Variants in MRTFB observed in about 807,000 individuals in gnomAD.
MRTFB encodes myocardin related transcription factor B.
MRTFB carries 29 observed loss-of-function variants against 104.2 expected under a neutral mutation model. The observed-to-expected ratio is 0.28, with a 90% CI of 0.21 to 0.38. The LOEUF (loss-of-function observed/expected upper bound fraction) is 0.38, where lower values mean the gene tolerates loss of function less well. Among genes scored for constraint, MRTFB ranks in the 10% least tolerant of loss-of-function variants. MRTFB has a pLI of 1.00. For synonymous variants in MRTFB, 535 were observed against 519.5 expected (o/e 1.03, Z -0.41); for missense variants, 1,270 against 1,341.6 (o/e 0.95, Z 0.83).
intron 3 of MRTFB, among the ~76,000 whole-genome samples, chr16:14,172,916 G>GT (rs1201975530): frequency 6.6e-6 from 1 of 152,064 alleles, no homozygotes; most frequent in Non-Finnish European, 1.5e-5. Context: ...TCTTCAGTAT[G>GT]TTTTTGGGTT....
At chr16:14,013,091 A>G in the MRTFB span, 1 of 152,190 alleles carries the variant, frequency 6.6e-6, no homozygotes, top group Non-Finnish European at 1.5e-5. Context: ...GGAGGCCAGT[A>G]TTGAACTTGA....
At chr16:14,249,167 C>G in intron 13 of MRTFB, 86 bp downstream of exon 13, 3 of 1,452,232 alleles carry the variant, frequency 2.1e-6, no homozygotes, top group Middle Eastern at 1.9e-4. Context: ...TGTAAACGCC[C>G]TGGGAAGTTC....
intron 2 of MRTFB, among the ~76,000 whole-genome samples, chr16:14,122,643 CGT>C (rs1567349042): frequency 6.6e-6 from 1 of 152,134 alleles, no homozygotes; most frequent in African/African-American, 2.4e-5. Flanking sequence ...CATAGTATTC[CGT>C]GGTGTATATA....
intron 3 of MRTFB, among the ~76,000 whole-genome samples, chr16:14,161,172 T>C (rs2039023492): frequency 7.6e-6 from 1 of 131,680 alleles, no homozygotes; most frequent in African/African-American, 3.0e-5. Flanking sequence ...TTTTAAAAAA[T>C]CATGAGTTGA....
chr16:14,089,208 A>C (rs1567308936), intron 2 of MRTFB, among the ~76,000 whole-genome samples: 1 of 151,046 alleles, frequency 6.6e-6, no homozygotes, highest in South Asian at 2.1e-4. Context: ...GAACTCAATG[A>C]TTTTTAGTAT....
chr16:14,252,221 G>C (rs2043285135), intron 14 of MRTFB, 144 bp from the exon 15 acceptor site: 2 of 1,344,072 alleles, frequency 1.5e-6, no homozygotes, highest in Non-Finnish European at 2.0e-6. Context: ...CACCAGTGCT[G>C]TCAGCCTCAC....
intron 3 of MRTFB, among the ~76,000 whole-genome samples, chr16:14,191,664 CAG>C (rs1444136639): frequency 1.9e-4 from 29 of 152,082 alleles, no homozygotes; most frequent in Admixed American, 1.5e-3. Flanking sequence ...CCTTCTTAAA[CAG>C]AATATAATAA....
At position 14,261,252 on chromosome 16, in the gene MRTFB, C is replaced by G. The variant is rs764240669; in HGVS notation, c.3108C>G (p.Ser1036=). 9.3e-6 allele frequency: 15 copies of G among 1,614,152 alleles called. 1 individual carries two copies. Among genetic ancestry groups the G allele is most frequent in the Non-Finnish European group, 1.7e-6 (2 of 1,180,028 alleles). The change falls in exon 17 of 17, where the codon TCC becomes TCG. Residue 1036 remains serine (S), a synonymous_variant. Coordinates refer to ENST00000571589, the MANE Select transcript of MRTFB (RefSeq NM_001308142.2). ...ATTCACACTCACCCATGGAGACTTC[C>G]GAGACCCAGTTTGCTGCAGGTACTC... ...LDHSHSPMET[S]ETQFAAGTPC... is the part of the protein sequence containing the mutation.
chr16:14,246,318 TTC>T (rs2043015745), intron 11 of MRTFB, among the ~76,000 whole-genome samples, 153 bp from the exon 12 acceptor site: 1 of 152,208 alleles, frequency 6.6e-6, no homozygotes, highest in African/African-American at 2.4e-5. Context: ...AGTTATCTGT[TTC>T]TGTGTGCTTA....
At chr16:14,071,538 C>CGCGGG (rs1426927873) in intron 1 of MRTFB, among the ~76,000 whole-genome samples, 173 bp downstream of exon 1, 1 of 148,566 alleles carries the variant, frequency 6.7e-6, no homozygotes, top group East Asian at 2.2e-4. Context: ...CCGGGACTCG[C>CGCGGG]GCGGGGCGGG....
intron 3 of MRTFB, among the ~76,000 whole-genome samples, chr16:14,184,949 A>G (rs765518265): frequency 4.6e-5 from 7 of 152,168 alleles, no homozygotes; most frequent in East Asian, 3.8e-4. Flanking sequence ...GACCACGCCA[A>G]TTGTGGAGGG....
chr16:14,019,169 C>G, the MRTFB span: 1 of 152,210 alleles, frequency 6.6e-6, no homozygotes, highest in Non-Finnish European at 1.5e-5. Flanking sequence ...GCTAGTGGGT[C>G]GCTAGGGGTG....
At chr16:14,190,643 C>T (rs1360522265) in intron 3 of MRTFB, among the ~76,000 whole-genome samples, 2 of 151,602 alleles carry the variant, frequency 1.3e-5, no homozygotes, top group Non-Finnish European at 2.9e-5. Flanking sequence ...GAAAGAAAAC[C>T]AAGTTGTGTG....
chr16:14,238,518 G>A (rs1305126588), intron 9 of MRTFB, among the ~76,000 whole-genome samples: 2 of 152,160 alleles, frequency 1.3e-5, no homozygotes, highest in Admixed American at 6.5e-5. Context: ...ATGCTGGGAA[G>A]CGAGGGAGGT....
chr16:13,998,924 G>T, the MRTFB span, among the ~76,000 whole-genome samples: 1 of 141,250 alleles, frequency 7.1e-6, no homozygotes, highest in East Asian at 2.0e-4. Context: ...CGGTCATGGG[G>T]GCTCACACCT....
the MRTFB span, among the ~76,000 whole-genome samples, chr16:13,997,115 G>A: frequency 6.6e-6 from 1 of 152,214 alleles, no homozygotes; most frequent in Non-Finnish European, 1.5e-5. Context: ...ACGTTTGCCT[G>A]TATATGGTGG....
At chr16:14,082,704 A>G (rs1032119084) in intron 2 of MRTFB, among the ~76,000 whole-genome samples, 2 of 152,182 alleles carry the variant, frequency 1.3e-5, no homozygotes, top group African/African-American at 4.8e-5. Context: ...TGCTTGAGCC[A>G]GGAGTTCGAG....
the MRTFB span, among the ~76,000 whole-genome samples, chr16:14,026,175 T>G: frequency 5.9e-5 from 9 of 152,078 alleles, no homozygotes; most frequent in Non-Finnish European, 1.5e-5. Flanking sequence ...AAAATAATAT[T>G]GAAAAAGAAA....
chr16:14,137,244 A>G (rs565865491), intron 2 of MRTFB, among the ~76,000 whole-genome samples: 3 of 152,170 alleles, frequency 2.0e-5, no homozygotes, highest in Non-Finnish European at 4.4e-5. Context: ...AAAAATGTTC[A>G]TGAATATTAA....
Sources: gnomAD v4.1 joint callset for allele counts (sites outside exome capture counted in the v4.1 genomes callset) on GRCh38, gnomAD v4.1.1 for gene constraint, MANE v1.5 for transcripts, NCBI Gene and HGNC (gene_info 2026-07-23, HGNC 2026-07-21) for gene names.